CYP2C8: variants seen among roughly 807,000 people sequenced by gnomAD.
CYP2C8 encodes cytochrome P450 family 2 subfamily C member 8.
CYP2C8 carries 51 observed loss-of-function variants against 41.3 expected under a neutral mutation model. The observed-to-expected ratio is 1.24, with a 90% CI of 0.99 to 1.56. The LOEUF is 1.56. CYP2C8 is among the 40% of genes most tolerant of loss of function. The pLI is 0.00. For synonymous variants in CYP2C8, 218 were observed against 205.8 expected (o/e 1.06, Z -0.51); for missense variants, 651 against 579.9 (o/e 1.12, Z -1.26).
At chr10:95,068,259 G>T (rs374382200) in intron 1 of CYP2C8, among the ~76,000 whole-genome samples, 3 of 147,884 alleles carry the variant, frequency 2.0e-5, no homozygotes, top group East Asian at 3.9e-4. Context: ...TGTAACTGCT[G>T]GTATTACCAA....
chr10:95,057,963 A>G (rs189772560), intron 5 of CYP2C8, among the ~76,000 whole-genome samples: 6 of 152,332 alleles, frequency 3.9e-5, no homozygotes, highest in African/African-American at 1.2e-4. Context: ...CAGGAAGCCC[A>G]TTTATGATAA....
At chr10:95,068,889 T>C (rs2033623467) in intron 1 of CYP2C8, among the ~76,000 whole-genome samples, 1 of 152,054 alleles carries the variant, frequency 6.6e-6, no homozygotes, top group African/African-American at 2.4e-5. Flanking sequence ...TGAAACCCTG[T>C]CTCTACTAAA....
intron 3 of CYP2C8, 145 bp downstream of exon 3, chr10:95,067,063 T>C (rs182699272): frequency 2.1e-5 from 24 of 1,140,268 alleles, no homozygotes; most frequent in Non-Finnish European, 2.4e-5. Flanking sequence ...CCCTTGTCTC[T>C]GTGCTTCAAA....
chr10:95,039,223 AC>A, intron 7 of CYP2C8, 185 bp from the exon 8 acceptor site: 1 of 610,494 alleles, frequency 1.6e-6, no homozygotes, highest in Non-Finnish European at 2.9e-6. Flanking sequence ...CTTTCCAATC[AC>A]ATTTGAAGTC....
At chr10:95,045,072 C>T (rs183812551) in intron 6 of CYP2C8, among the ~76,000 whole-genome samples, 7 of 152,170 alleles carry the variant, frequency 4.6e-5, no homozygotes, top group Non-Finnish European at 7.4e-5. Flanking sequence ...GGGATCCTGA[C>T]ACAGGGAAAA....
chr10:95,058,593 A>T, intron 4 of CYP2C8, 82 bp from the exon 5 acceptor site: 1 of 1,218,764 alleles, frequency 8.2e-7, no homozygotes, highest in Admixed American at 2.2e-5. Flanking sequence ...AATTATAACT[A>T]TAAATATGAA....
chr10:95,047,352 G>A (rs1338496356), intron 5 of CYP2C8, among the ~76,000 whole-genome samples: 2 of 152,062 alleles, frequency 1.3e-5, no homozygotes, highest in Non-Finnish European at 2.9e-5. Flanking sequence ...AGGTAAATTA[G>A]GGCTATATCA....
intron 5 of CYP2C8, among the ~76,000 whole-genome samples, chr10:95,046,776 C>G (rs943757168): frequency 6.8e-6 from 1 of 146,590 alleles, no homozygotes; most frequent in African/African-American, 2.5e-5. Flanking sequence ...AAAGAAGGCA[C>G]TTGACTCTCT....
chr10:95,067,962 A>T (rs2033606431), intron 1 of CYP2C8, among the ~76,000 whole-genome samples: 1 of 152,204 alleles, frequency 6.6e-6, no homozygotes, highest in Non-Finnish European at 1.5e-5. Flanking sequence ...CATTCATTTG[A>T]CCTGTTTTAA....
chr10:95,038,391 T>C (rs2032927281), intron 8 of CYP2C8, among the ~76,000 whole-genome samples: 1 of 152,204 alleles, frequency 6.6e-6, no homozygotes, highest in Non-Finnish European at 1.5e-5. Flanking sequence ...GGGCCTGTGC[T>C]TTCCTCTCTC....
intron 8 of CYP2C8, among the ~76,000 whole-genome samples, chr10:95,038,575 G>A (rs1267847317): frequency 6.6e-6 from 1 of 152,178 alleles, no homozygotes; most frequent in East Asian, 1.9e-4. Context: ...GTCAAGGCAG[G>A]TAAGGAAAGA....
chr10:95,061,967 T>C (rs2033446764), intron 4 of CYP2C8, among the ~76,000 whole-genome samples: 1 of 152,250 alleles, frequency 6.6e-6, no homozygotes, highest in Admixed American at 6.5e-5. Context: ...AGTTTCTTAA[T>C]CCTGAGTTCT....
intron 4 of CYP2C8, among the ~76,000 whole-genome samples, chr10:95,064,047 G>T (rs532457542): frequency 2.6e-5 from 4 of 152,184 alleles, no homozygotes; most frequent in African/African-American, 9.7e-5. Flanking sequence ...CTACTAGGGG[G>T]TGCCTCCCAG....
chr10:95,067,611 C>G lies in CYP2C8; in HGVS notation c.249G>C (p.Val83=). The G allele has an allele frequency of 6.2e-7, 1 of 1,614,188 alleles. No homozygotes were observed. Among genetic ancestry groups the G allele is most frequent in the South Asian group, 1.1e-5 (1 of 91,084 alleles). The change falls in exon 2 of 9, where the codon GTG becomes GTC. Residue 83 remains valine (V), a synonymous_variant. Coordinates refer to ENST00000371270, the MANE Select transcript of CYP2C8 (RefSeq NM_000770.3). ...CTCCATTATCAATCAGGGCTTCCTT[C>G]ACTGCCTCATATCCATGAAACACCA... ...PIVVFHGYEA[V]KEALIDNGEE... is the part of the protein sequence containing the mutation.
chr10:95,046,960 G>A (rs562180583), intron 5 of CYP2C8, among the ~76,000 whole-genome samples: 12 of 152,268 alleles, frequency 7.9e-5, no homozygotes, highest in Middle Eastern at 3.4e-3. Context: ...GTGGAATCTG[G>A]TGAGAGGTGA....
At position 95,038,974 on chromosome 10, in the gene CYP2C8, T is replaced by C; in HGVS notation, c.1214A>G (p.Asn405Ser). ...LHDDKEFPNPNIFDPGHFLDK... is the reference protein window; with the variant it reads ...LHDDKEFPNPSIFDPGHFLDK... ...TAGAAAGTGGCCAGGGTCAAAGATA[T>C]TTGGATTAGGAAATTCTTTGTCATC... The change falls in exon 8 of 9, where the codon AAT (asparagine) becomes AGT (serine). Residue 405 changes from asparagine to serine, a missense_variant. Coordinates refer to ENST00000371270, the MANE Select transcript of CYP2C8 (RefSeq NM_000770.3). The C allele has an allele frequency of 6.2e-7, 1 of 1,613,758 alleles. No individual in the cohort carries two copies. Among genetic ancestry groups the C allele is most frequent in the Non-Finnish European group, 8.5e-7 (1 of 1,179,652 alleles).
At chr10:95,057,269 A>C (rs184586072) in intron 5 of CYP2C8, among the ~76,000 whole-genome samples, 13 of 152,230 alleles carry the variant, frequency 8.5e-5, no homozygotes, top group Non-Finnish European at 1.6e-4. Context: ...GTTGACTCCC[A>C]CCTCCTACCT....
At chr10:95,040,807 G>T in intron 7 of CYP2C8, 3 of 427,692 alleles carry the variant, frequency 7.0e-6, no homozygotes, top group South Asian at 5.0e-5. Context: ...ATAATATCTG[G>T]TACTGAGCCA....
chr10:95,037,178 C>T lies in CYP2C8; in HGVS notation c.1423G>A (p.Gly475Arg), dbSNP rs1206026036. Residue 475 changes from glycine to arginine, a missense_variant, in exon 9 of 9, where the codon GGG (glycine) becomes AGG (arginine). Gly to Arg is a moderately radical substitution (Grantham distance 125). Transcript: ENST00000371270. Reference sequence around the variant, plus strand: ...TATGAGGGTGGCAGAGAAACAATCCCTTTGGTAACTGCAGTAGTATTGAGG... The same window carrying T: ...TATGAGGGTGGCAGAGAAACAATCCTTTTGGTAACTGCAGTAGTATTGAGG... ...KNLNTTAVTK[G>R]IVSLPPSYQI... is the part of the protein sequence containing the mutation. 1 of 1,613,932 alleles carries T rather than the reference C, an allele frequency of 6.2e-7. No homozygotes were observed. Among genetic ancestry groups the T allele is most frequent in the South Asian group, 1.1e-5 (1 of 91,072 alleles).
Sources: allele counts gnomAD v4.1 joint callset (sites outside exome capture counted in the v4.1 genomes callset), GRCh38; gene constraint gnomAD v4.1.1; transcripts MANE v1.5; gene names NCBI Gene and HGNC (gene_info 2026-07-23, HGNC 2026-07-21).